ZFHX3: variants seen among roughly 807,000 people sequenced by gnomAD.
ZFHX3 encodes the protein zinc finger homeobox protein 3.
Under a neutral mutation model 279.1 loss-of-function variants are expected in ZFHX3, and 42 were observed. The observed-to-expected ratio is 0.15, with a 90% CI of 0.12 to 0.19. The LOEUF (loss-of-function observed/expected upper bound fraction) is 0.19. ZFHX3 is among the 10% of genes least tolerant of loss of function. The probability of loss-of-function intolerance (pLI) is 1.00; values close to 1 mark genes in which losing one functional copy is unlikely to be tolerated. For missense variants in ZFHX3, 4,981 were observed against 4,754.0 expected (o/e 1.05, Z -1.40); for synonymous variants, 2,293 against 1,957.8 (o/e 1.17, Z -4.52).
At chr16:73,173,363 C>T (rs1482644597) in intron 5 of ZFHX3, among the ~76,000 whole-genome samples, 1 of 150,080 alleles carries the variant, frequency 6.7e-6, no homozygotes, top group Non-Finnish European at 1.5e-5. Flanking sequence ...CAGGTATTTT[C>T]CCCCCGCCCC....
At chr16:73,576,933 A>C (rs1467153886) in intron 2 of ZFHX3, among the ~76,000 whole-genome samples, 1 of 152,172 alleles carries the variant, frequency 6.6e-6, no homozygotes, top group Non-Finnish European at 1.5e-5. Flanking sequence ...CTAAAACCTC[A>C]TAAGACAGCA....
At chr16:73,429,889 C>G (rs1307995856) in intron 3 of ZFHX3, among the ~76,000 whole-genome samples, 31 of 151,822 alleles carry the variant, frequency 2.0e-4, no homozygotes, top group Non-Finnish European at 4.4e-5. Flanking sequence ...TTCTCTTCCA[C>G]TCTTTTCTGT....
chr16:73,607,710 G>A (rs997185255), intron 2 of ZFHX3, among the ~76,000 whole-genome samples: 7 of 152,204 alleles, frequency 4.6e-5, no homozygotes, highest in African/African-American at 1.7e-4. Flanking sequence ...ATCCTGACAT[G>A]GGTCCTCTTA....
At chr16:73,382,491 T>C (rs2016832868) in intron 3 of ZFHX3, among the ~76,000 whole-genome samples, 1 of 152,126 alleles carries the variant, frequency 6.6e-6, no homozygotes, top group African/African-American at 2.4e-5. Context: ...CTTGGAGGTT[T>C]CCAGCAAGAG....
At chr16:73,867,463 G>A (rs112370221) in intron 1 of ZFHX3, among the ~76,000 whole-genome samples, 2 of 152,134 alleles carry the variant, frequency 1.3e-5, no homozygotes, top group South Asian at 2.1e-4. Flanking sequence ...AAAGGACCAC[G>A]GAGGTGACCT....
chr16:73,718,072 C>A (rs1299039363), intron 1 of ZFHX3, among the ~76,000 whole-genome samples: 1 of 152,302 alleles, frequency 6.6e-6, no homozygotes, highest in Non-Finnish European at 1.5e-5. Flanking sequence ...CTCCTCCCAG[C>A]CCCTCCATCT....
intron 2 of ZFHX3, among the ~76,000 whole-genome samples, chr16:73,616,397 G>C (rs1567533905): frequency 7.2e-6 from 1 of 138,468 alleles, no homozygotes; most frequent in Non-Finnish European, 1.5e-5. Flanking sequence ...GAGCATACTA[G>C]ATCTAATAGC....
At chr16:73,774,437 C>T (rs187100761) in intron 1 of ZFHX3, among the ~76,000 whole-genome samples, 2 of 152,254 alleles carry the variant, frequency 1.3e-5, no homozygotes, top group African/African-American at 2.4e-5. Flanking sequence ...CACACCAGGA[C>T]CCCAGAGTTG....
chr16:73,585,671 G>A lies in ZFHX3; in HGVS notation c.-1547+94509C>T, dbSNP rs149967479. 6.1e-3 allele frequency among the ~76,000 whole-genome samples: 934 copies of A among 152,252 alleles called. 12 individuals carry two copies. The highest frequency in any genetic ancestry group is 0.021 in the African/African-American group (882 of 41,562). On this transcript the variant is annotated intron_variant, in intron 2 of 17. Coordinates refer to the ZFHX3 transcript ENST00000641206. ...ATGTGATAAGGAAGGAAAGGCACAGGGAGTGAAAACTATGTGTGTGAAACT... is the reference window on the plus strand; with the variant it reads ...ATGTGATAAGGAAGGAAAGGCACAGAGAGTGAAAACTATGTGTGTGAAACT...
intron 1 of ZFHX3, among the ~76,000 whole-genome samples, chr16:73,025,133 T>C (rs992609018): frequency 3.9e-5 from 6 of 152,098 alleles, no homozygotes; most frequent in Admixed American, 2.6e-4. Context: ...ATTTAGCACT[T>C]GTTGAAAGAA....
At chr16:72,851,109 T>C (rs1270579961) in intron 4 of ZFHX3, among the ~76,000 whole-genome samples, 1 of 152,076 alleles carries the variant, frequency 6.6e-6, no homozygotes, top group African/African-American at 2.4e-5. Context: ...TTTTTCCACA[T>C]GGAACGTCAT....
intron 1 of ZFHX3, among the ~76,000 whole-genome samples, chr16:73,805,373 T>C (rs1288571231): frequency 1.3e-5 from 2 of 152,158 alleles, no homozygotes; most frequent in Non-Finnish European, 2.9e-5. Flanking sequence ...TTCACCATGT[T>C]GGCCAGGATG....
intron 5 of ZFHX3, among the ~76,000 whole-genome samples, chr16:73,230,234 G>A (rs1350519089): frequency 2.0e-5 from 3 of 152,122 alleles, no homozygotes; most frequent in Non-Finnish European, 4.4e-5. Flanking sequence ...GGGTGAATTT[G>A]GAATGAAATT....
At chr16:73,728,571 A>T (rs1444018228) in intron 1 of ZFHX3, among the ~76,000 whole-genome samples, 1 of 152,110 alleles carries the variant, frequency 6.6e-6, no homozygotes, top group Non-Finnish European at 1.5e-5. Context: ...CTCCTATACG[A>T]TAACTCTTGT....
chr16:73,259,333 T>G (rs1170305081), intron 4 of ZFHX3, among the ~76,000 whole-genome samples: 1 of 152,244 alleles, frequency 6.6e-6, no homozygotes, highest in Admixed American at 6.5e-5. Flanking sequence ...TTTCTTCACA[T>G]CCTTGCCAAC....
intron 1 of ZFHX3, among the ~76,000 whole-genome samples, chr16:73,001,815 C>A (rs1256080230): frequency 6.7e-6 from 1 of 150,256 alleles, no homozygotes; most frequent in African/African-American, 2.5e-5. Flanking sequence ...CAGTGAGACC[C>A]TTCAAAAAAA....
chr16:73,290,799 C>T (rs1052002509), intron 4 of ZFHX3, among the ~76,000 whole-genome samples: 2 of 152,190 alleles, frequency 1.3e-5, no homozygotes, highest in African/African-American at 4.8e-5. Flanking sequence ...CTCAAGTTCC[C>T]AGATAGCTTG....
intron 1 of ZFHX3, among the ~76,000 whole-genome samples, chr16:73,823,077 G>A (rs779104243): frequency 6.6e-6 from 1 of 152,214 alleles, no homozygotes; most frequent in African/African-American, 2.4e-5. Flanking sequence ...GAAAGGGACA[G>A]ACATTAATGA....
At chr16:72,932,185 T>TA (rs1313960622) in intron 3 of ZFHX3, among the ~76,000 whole-genome samples, 2 of 152,164 alleles carry the variant, frequency 1.3e-5, no homozygotes, top group East Asian at 1.9e-4. Flanking sequence ...ATAAGGGAAA[T>TA]ACATGTGTGT....
Sources: allele counts gnomAD v4.1 joint callset (sites outside exome capture counted in the v4.1 genomes callset), GRCh38; gene constraint gnomAD v4.1.1; transcripts MANE v1.5; gene names NCBI Gene and HGNC (gene_info 2026-07-23, HGNC 2026-07-21).